Variants in SPEN observed in about 807,000 individuals in gnomAD.
SPEN encodes msx2-interacting protein.
Under a neutral mutation model 269.9 loss-of-function variants are expected in SPEN, and 18 were observed. The observed-to-expected ratio is 0.07, with a 90% confidence interval of 0.05 to 0.10. The LOEUF is 0.10. SPEN is among the 10% of genes least tolerant of loss of function. The pLI is 1.00. For missense variants in SPEN, 3,822 were observed against 4,631.2 expected (o/e 0.83, Z 5.07); for synonymous variants, 1,726 against 1,765.7 (o/e 0.98, Z 0.56).
Position 15,883,312 on chromosome 1 carries a change from TAGA to T in SPEN, c.881+6639_881+6641del. On this transcript the variant is annotated intron_variant, in intron 3 of 14. Transcript: ENST00000375759. Reference sequence around the variant, plus strand: ...TGCTTAAAGTAACAAGGAAAGCATATAGAAGAACTTCAAGTAACCAAACTTTTC... The same window carrying T: ...TGCTTAAAGTAACAAGGAAAGCATATAGAACTTCAAGTAACCAAACTTTTC... 3.9e-5 allele frequency among the ~76,000 whole-genome samples: 6 copies of T among 152,308 alleles called. 1 individual carries two copies. In the Middle Eastern group the frequency reaches 0.017, roughly 432 times the overall value.
intron 5 of SPEN, among the ~76,000 whole-genome samples, chr1:15,911,770 G>A (rs946645299): frequency 2.6e-5 from 4 of 152,170 alleles, no homozygotes; most frequent in African/African-American, 9.7e-5. Flanking sequence ...AGACCAGCCT[G>A]GCCAACATGG....
chr1:15,918,858 A>G (rs985057322), intron 6 of SPEN, 68 bp from the exon 7 acceptor site: 2 of 1,360,892 alleles, frequency 1.5e-6, no homozygotes, highest in African/African-American at 1.4e-5. Context: ...AATACCCTAT[A>G]TGGACTTGGT....
At chr1:15,884,514 G>C (rs950982004) in intron 3 of SPEN, among the ~76,000 whole-genome samples, 5 of 152,158 alleles carry the variant, frequency 3.3e-5, no homozygotes, top group Non-Finnish European at 7.3e-5. Context: ...ATGTATCAAA[G>C]TGACAATGTA....
At position 15,898,533 on chromosome 1, in the gene SPEN, G is replaced by A. The variant is rs867814565; in HGVS notation, c.882-10788G>A. Among the ~76,000 whole-genome samples, 6 of 147,802 alleles carry A rather than the reference G, an allele frequency of 4.1e-5. No homozygotes were observed. In the South Asian group the frequency reaches 8.7e-4, roughly 21 times the overall value. On this transcript the variant is annotated intron_variant, in intron 3 of 14. Transcript: ENST00000375759. Reference sequence around the variant, plus strand: ...AAGGTTCATTCATGATGTAGCATTTGTCAAAATTTTTTTTTTCTTTTTTTC... The same window carrying A: ...AAGGTTCATTCATGATGTAGCATTTATCAAAATTTTTTTTTTCTTTTTTTC...
intron 3 of SPEN, among the ~76,000 whole-genome samples, chr1:15,883,227 GAA>G (rs2070703818): frequency 6.6e-6 from 1 of 152,156 alleles, no homozygotes; most frequent in Non-Finnish European, 1.5e-5. Context: ...ATGGGGGAAA[GAA>G]AGACACACAC....
At chr1:15,863,974 A>T (rs1457093089) in intron 1 of SPEN, among the ~76,000 whole-genome samples, 1 of 152,226 alleles carries the variant, frequency 6.6e-6, no homozygotes, top group Admixed American at 6.5e-5. Flanking sequence ...GATGTGTAAT[A>T]AACAGAATTC....
chr1:15,935,889 G>A lies in SPEN; in HGVS notation c.9649G>A (p.Val3217Met). The A allele has an allele frequency of 6.2e-7, 1 of 1,613,260 alleles. No individual in the cohort carries two copies. Among genetic ancestry groups the A allele is most frequent in the Non-Finnish European group, 8.5e-7 (1 of 1,179,974 alleles). ...GCAGCCCAGGGCCGCGGATGGGGTG[G>A]TGAAGGTGCCACCAGCCAGCAAGGC... ...SEQPRAADGV[V>M]KVPPASKAPQ... The change falls in exon 11 of 15, where the codon GTG (valine) becomes ATG (methionine). Residue 3217 changes from valine to methionine, a missense_variant. Around this residue, in one of 16 missense-constraint regions of SPEN, gnomAD observed 359 missense variants for 377.3 expected, o/e 0.95. Coordinates refer to ENST00000375759, the MANE Select transcript of SPEN (RefSeq NM_015001.3). The surrounding 1 kb of genome is among the most constrained non-coding windows in gnomAD (Gnocchi z 7.7).
In SPEN at chr1:15,935,243, C is replaced by T. The variant is rs748822895; in HGVS notation, c.9003C>T (p.Val3001=). The T allele has an allele frequency of 6.2e-7, 1 of 1,614,192 alleles. No homozygotes were observed. Among genetic ancestry groups the T allele is most frequent in the Admixed American group, 1.7e-5 (1 of 60,026 alleles). ...PSKLPTEVNH[V]PSGPSIPADR... is the part of the protein sequence containing the mutation. ...AACTGCCTACAGAAGTCAACCATGT[C>T]CCCTCGGGGCCCAGCATCCCAGCAG... is the stretch of plus-strand genomic sequence containing the variant. The change falls in exon 11 of 15, where the codon GTC becomes GTT. Residue 3001 remains valine (V), a synonymous_variant. Transcript: ENST00000375759. The surrounding 1 kb of genome is among the most constrained non-coding windows in gnomAD (Gnocchi z 7.7).
intron 3 of SPEN, among the ~76,000 whole-genome samples, chr1:15,890,743 C>T (rs563001717): frequency 6.6e-6 from 1 of 151,978 alleles, no homozygotes; most frequent in African/African-American, 2.4e-5. Context: ...TTCATGACCC[C>T]GAAAAGAAAC....
chr1:15,849,114 C>T lies in SPEN; in HGVS notation c.83+964C>T, dbSNP rs1255527826. On this transcript the variant is annotated intron_variant, in intron 1 of 14. Coordinates refer to ENST00000375759, the MANE Select transcript of SPEN (RefSeq NM_015001.3). ...TGCCTGTGTACCGTAACAGATAGGC[C>T]TCCGCATAAAACACTTATTAAAATG... Among the ~76,000 whole-genome samples the T allele has an allele frequency of 2.0e-5, 3 of 152,284 alleles. No homozygotes were observed. In the East Asian group the frequency reaches 5.8e-4, roughly 29 times the overall value.
At chr1:15,904,057 T>C (rs1570029406) in intron 3 of SPEN, among the ~76,000 whole-genome samples, 1 of 152,282 alleles carries the variant, frequency 6.6e-6, no homozygotes, top group Non-Finnish European at 1.5e-5. Flanking sequence ...GGACAAGAAT[T>C]CCAGGCATTT....
chr1:15,935,236 A>T lies in SPEN; in HGVS notation c.8996A>T (p.Asn2999Ile). Residue 2999 changes from asparagine (N) to isoleucine (I), a missense_variant, in exon 11 of 15, where the codon AAC becomes ATC. Asn to Ile is a moderately radical substitution (Grantham distance 149). Transcript: ENST00000375759. The surrounding 1 kb of genome is among the most constrained non-coding windows in gnomAD (Gnocchi z 7.7). ...CCCAGCAAACTGCCTACAGAAGTCA[A>T]CCATGTCCCCTCGGGGCCCAGCATC... ...ALPSKLPTEV[N>I]HVPSGPSIPA... 1 of 1,614,066 alleles carries T rather than the reference A, an allele frequency of 6.2e-7. No individual in the cohort carries two copies. The highest frequency in any genetic ancestry group is 8.5e-7 in the Non-Finnish European group (1 of 1,180,014).
At chr1:15,864,470 G>GTT (rs371257174) in intron 1 of SPEN, among the ~76,000 whole-genome samples, 34,609 of 132,108 alleles carry the variant, frequency 0.26, 4,965 homozygotes, top group South Asian at 0.42. Flanking sequence ...GTGCCGGCCG[G>GTT]TTTTTTTTTT....
intron 3 of SPEN, among the ~76,000 whole-genome samples, chr1:15,894,633 T>A (rs962483135): frequency 2.1e-5 from 3 of 143,002 alleles, no homozygotes; most frequent in African/African-American, 7.9e-5. Flanking sequence ...CTCCGCCTCC[T>A]GGGTTCAAAT....
Position 15,932,153 on chromosome 1 carries a change from T to C in SPEN, c.5913T>C (p.Pro1971=). 6.2e-7 allele frequency: 1 copy of C among 1,612,732 alleles called. No homozygotes were observed. The highest frequency in any genetic ancestry group is 8.5e-7 in the Non-Finnish European group (1 of 1,179,418). ...DEEEENEAKE[P]AETLKPPEGW... ...AGGAGGAGAACGAGGCCAAGGAACC[T>C]GCAGAAACACTCAAGCCACCTGAGG... The change falls in exon 11 of 15, where the codon CCT becomes CCC. Residue 1971 remains proline (P), a synonymous_variant. Transcript: ENST00000375759. The surrounding 1 kb of genome is among the most constrained non-coding windows in gnomAD (Gnocchi z 4.2).
At chr1:15,869,218 G>A (rs897559600) in intron 1 of SPEN, among the ~76,000 whole-genome samples, 3 of 151,820 alleles carry the variant, frequency 2.0e-5, no homozygotes, top group Non-Finnish European at 4.4e-5. Flanking sequence ...CACCACACTC[G>A]GCTAATTTTT....
Position 15,873,056 on chromosome 1 carries a change from A to G in SPEN, c.324A>G (p.Arg108=). The G allele has an allele frequency of 6.2e-7, 1 of 1,614,168 alleles. No individual in the cohort carries two copies. Among genetic ancestry groups the G allele is most frequent in the South Asian group, 1.1e-5 (1 of 91,084 alleles). ...GTAGTAGAGAGGTTTCTGGGTTCAG[A>G]GGAGGTGGTGGAGGGCCTGCTTATG... ...ASRSREVSGF[R]GGGGGPAYGP... The change falls in exon 2 of 15, where the codon AGA becomes AGG. Residue 108 remains arginine, a synonymous_variant. Transcript: ENST00000375759.
intron 3 of SPEN, among the ~76,000 whole-genome samples, chr1:15,907,645 C>G (rs570009943): frequency 2.0e-5 from 3 of 152,148 alleles, no homozygotes; most frequent in South Asian, 4.2e-4. Flanking sequence ...ATTCACCACT[C>G]AAAATGATTT....
At chr1:15,877,163 G>A (rs1313479257) in intron 3 of SPEN, among the ~76,000 whole-genome samples, 1 of 152,146 alleles carries the variant, frequency 6.6e-6, no homozygotes, top group African/African-American at 2.4e-5. Context: ...TTTAACATCA[G>A]GGTGGTAGCC....
Sources: gnomAD v4.1 joint callset for allele counts (sites outside exome capture counted in the v4.1 genomes callset) on GRCh38, gnomAD v4.1.1 for gene constraint, gnomAD v4.1.1 regional missense constraint, Gnocchi (gnomAD v3.1) non-coding constraint, MANE v1.5 for transcripts, NCBI Gene and HGNC (gene_info 2026-07-23, HGNC 2026-07-21) for gene names.